The following CASP9 variants were observed in gnomAD, a reference collection of about 807,000 sequenced individuals.
The protein encoded by CASP9 is caspase 9, also known as caspase-9.
Under a neutral mutation model 43.5 loss-of-function variants are expected in CASP9, and 29 were observed. The observed-to-expected ratio is 0.67, with a 90% CI of 0.50 to 0.91. CASP9 has a LOEUF of 0.91. Ranked by LOEUF, CASP9 falls within the 40% of genes least tolerant of loss-of-function variation. CASP9 has a pLI of 0.00. For missense variants in CASP9, 575 were observed against 537.4 expected (o/e 1.07, Z -0.69); for synonymous variants, 206 against 211.9 (o/e 0.97, Z 0.24).
At chr1:15,502,220 G>A (rs1570838787) in intron 6 of CASP9, among the ~76,000 whole-genome samples, 1 of 152,126 alleles carries the variant, frequency 6.6e-6, no homozygotes, top group South Asian at 2.1e-4. Context: ...GGTAGGGGAG[G>A]GACAGAGGCT....
In CASP9 at chr1:15,524,207, T is replaced by C; in HGVS notation, c.-7A>G. On this transcript the variant is annotated 5_prime_UTR_variant, in exon 1 of 9. Coordinates refer to ENST00000333868, the MANE Select transcript of CASP9 (RefSeq NM_001229.5). ...GCCGATCCGCTTCGTCCATGGCGAG[T>C]AGCCAACTAAGACTCCAGGCCGCCT... 3.9e-6 allele frequency: 6 copies of C among 1,541,740 alleles called. No homozygotes were observed. The highest frequency in any genetic ancestry group is 5.2e-6 in the Non-Finnish European group (6 of 1,148,630).
chr1:15,506,566 G>GT (rs1213550060), intron 4 of CASP9, among the ~76,000 whole-genome samples: 6 of 152,094 alleles, frequency 3.9e-5, no homozygotes, highest in African/African-American at 1.4e-4. Flanking sequence ...CCCAGCAGTC[G>GT]TAATAGCCAC....
rs201963831 is a variant in CASP9, at chr1:15,491,414, TTTATTA to T, written c.*1523_*1528del. 56 of 1,444,350 alleles carry T rather than the reference TTTATTA, an allele frequency of 3.9e-5. No homozygotes were observed. Among genetic ancestry groups the T allele is most frequent in the Middle Eastern group, 3.5e-4 (2 of 5,716 alleles). The allele number at this position is 1,444,350 out of a possible 1,614,324, so 89.5% of individuals were successfully genotyped here. ...ATGCAAATCACATCTTGATGAGGGTTTTATTATTATTATTAATTCAGAAATCCATCC... is the reference window on the plus strand; with the variant it reads ...ATGCAAATCACATCTTGATGAGGGTTTTATTATTAATTCAGAAATCCATCC... On this transcript the variant is annotated 3_prime_UTR_variant, in exon 9 of 9. Coordinates refer to ENST00000333868, the MANE Select transcript of CASP9 (RefSeq NM_001229.5).
rs1366684407 is a variant in CASP9, at chr1:15,518,286, C to T, written c.242G>A (p.Gly81Asp). 1.2e-6 allele frequency: 2 copies of T among 1,614,106 alleles called. No individual in the cohort carries two copies. Among genetic ancestry groups the T allele is most frequent in the East Asian group, 2.2e-5 (1 of 44,898 alleles). ...PLFISCLEDT[G>D]QDMLASFLRT... ...CAGAAACGAAGCCAGCATGTCCTGG[C>T]CTGTGTCCTCTAAGCAGGAGATGAA... is the stretch of plus-strand genomic sequence containing the variant. The change falls in exon 2 of 9, where the codon GGC becomes GAC. Residue 81 changes from glycine (G) to aspartate (D), a missense_variant. Physicochemically the swap from Gly to Asp is moderately conservative, Grantham distance 94. Transcript: ENST00000333868.
At chr1:15,494,748 A>AGCT (rs1709035712) in intron 7 of CASP9, among the ~76,000 whole-genome samples, 2 of 150,632 alleles carry the variant, frequency 1.3e-5, no homozygotes, top group Admixed American at 6.6e-5. Context: ...TTGTAGTCCC[A>AGCT]GCTACTTGGG....
intron 6 of CASP9, among the ~76,000 whole-genome samples, chr1:15,500,606 G>C (rs968386903): frequency 5.3e-5 from 8 of 152,146 alleles, no homozygotes; most frequent in Admixed American, 4.6e-4. Flanking sequence ...CTCCAAAGGG[G>C]GGCCTCTTTG....
intron 2 of CASP9, among the ~76,000 whole-genome samples, chr1:15,513,790 G>A (rs1308635571): frequency 6.6e-6 from 1 of 152,166 alleles, no homozygotes; most frequent in African/African-American, 2.4e-5. Flanking sequence ...AGACAGTGAT[G>A]GAGTGAGTCT....
Position 15,506,005 on chromosome 1 carries a change from G to A in CASP9, c.705C>T (p.Leu235=), listed in dbSNP as rs370464726. ...GGCTTCCTACCTGACAGCCGTGAGA[G>A]AGAATGACCACCACGCAGCAGTCCA... ...GALDCCVVVI[L]SHGCQASHLQ... is the part of the protein sequence containing the mutation. The change falls in exon 5 of 9, where the codon CTC becomes CTT. Residue 235 remains leucine, a synonymous_variant. Coordinates refer to ENST00000333868, the MANE Select transcript of CASP9 (RefSeq NM_001229.5). 19 of 1,613,914 alleles carry A rather than the reference G, an allele frequency of 1.2e-5. No individual in the cohort carries two copies. The African/African-American group carries it at 2.1e-4, about 18-fold the overall frequency.
At chr1:15,507,537 T>C (rs1316926725) in intron 3 of CASP9, among the ~76,000 whole-genome samples, 1 of 152,234 alleles carries the variant, frequency 6.6e-6, no homozygotes, top group African/African-American at 2.4e-5. Context: ...AACTGACTGA[T>C]GGCTCCTTCC....
chr1:15,497,655 A>AC (rs57447510), intron 6 of CASP9, among the ~76,000 whole-genome samples: 1 of 145,826 alleles, frequency 6.9e-6, no homozygotes, highest in Non-Finnish European at 1.5e-5. Flanking sequence ...AAAAAAAAAA[A>AC]AAAGATATAA....
At chr1:15,507,980 A>T in intron 2 of CASP9, 73 bp from the exon 3 acceptor site, 2 of 1,497,434 alleles carry the variant, frequency 1.3e-6, no homozygotes, top group Non-Finnish European at 1.9e-6. Context: ...CTCTGTGAGG[A>T]CAGCCCCCCA....
chr1:15,512,004 T>C (rs4646025), intron 2 of CASP9, among the ~76,000 whole-genome samples: 89,174 of 151,968 alleles, frequency 0.59, 26,829 homozygotes, highest in African/African-American at 0.71. Flanking sequence ...CACTGCCTCA[T>C]TTACTCCTCA....
rs1005028641 is a variant in CASP9 at position 15,507,260 on chromosome 1, T to C, written c.454-185A>G. The C allele has an allele frequency of 2.9e-5, 18 of 610,248 alleles. 1 individual carries two copies. In the Admixed American group the frequency reaches 5.4e-4, roughly 18 times the overall value. The allele number at this position is 610,248 out of a possible 1,614,324, so 37.8% of individuals were successfully genotyped here. On this transcript the variant is annotated intron_variant, in intron 3 of 8. Transcript: ENST00000333868. ...CTAGCACTAGAAGGTGACCCCCCCA[T>C]CTTGGTATTAAGGGAAGGGAGCTGG... is the stretch of plus-strand genomic sequence containing the variant.
At chr1:15,501,093 A>G (rs1709312146) in intron 6 of CASP9, among the ~76,000 whole-genome samples, 2 of 152,196 alleles carry the variant, frequency 1.3e-5, no homozygotes, top group Non-Finnish European at 2.9e-5. Flanking sequence ...ACAAGAATAA[A>G]TATACAGTAG....
At chr1:15,512,688 C>CA (rs201292407) in intron 2 of CASP9, among the ~76,000 whole-genome samples, 6 of 151,528 alleles carry the variant, frequency 4.0e-5, no homozygotes, top group Admixed American at 2.0e-4. Context: ...TATACACACA[C>CA]AAAAAAAATG....
chr1:15,492,620 ACATGT>A lies in CASP9; in HGVS notation c.*318_*322del. ...TCACAGCAAAGGGTGACCTGGCCCC[ACATGT>A]CAGTAGTGCAGAGGTTAATCCCTGC... On this transcript the variant is annotated 3_prime_UTR_variant, in exon 9 of 9. Coordinates refer to ENST00000333868, the MANE Select transcript of CASP9 (RefSeq NM_001229.5). 1 of 331,876 alleles carries A rather than the reference ACATGT, an allele frequency of 3.0e-6. No homozygotes were observed. The highest frequency in any genetic ancestry group is 5.5e-6 in the Non-Finnish European group (1 of 180,616). 20.6% of individuals were successfully genotyped at this position (331,876 alleles called of 1,614,324 possible).
At position 15,504,870 on chromosome 1, in the gene CASP9, C is replaced by A. The variant is rs4646050; in HGVS notation, c.721-112G>T. 3 of 1,044,416 alleles carry A rather than the reference C, an allele frequency of 2.9e-6. No individual in the cohort carries two copies. The South Asian group carries it at 4.6e-5, about 16-fold the overall frequency. 64.7% of individuals were successfully genotyped at this position (1,044,416 alleles called of 1,614,324 possible). On this transcript the variant is annotated intron_variant, in intron 5 of 8. Transcript: ENST00000333868. The stretch of plus-strand genomic sequence containing the variant: ...ATTTGGAAGGTCAAAGCCAGGGGCA[C>A]GAGGCTGATTGAGACAGAGCAGGTT...
In CASP9 at chr1:15,493,945, C is replaced by T; in HGVS notation, c.1105G>A (p.Asp369Asn). The change falls in exon 8 of 9, where the codon GAC (aspartate) becomes AAC (asparagine). Residue 369 changes from aspartate (D) to asparagine (N), a missense_variant. Physicochemically the swap from Asp to Asn is conservative, Grantham distance 23. Coordinates refer to ENST00000333868, the MANE Select transcript of CASP9 (RefSeq NM_001229.5). ...GAGTGAGCCCACTGCTCAAAGATGT[C>T]GTCCAGGGTCTCAACGTACCAGGAG... ...SGSWYVETLD[D>N]IFEQWAHSED... is the part of the protein sequence containing the mutation. 4 of 1,604,952 alleles carry T rather than the reference C, an allele frequency of 2.5e-6. No homozygotes were observed. The highest frequency in any genetic ancestry group is 1.1e-5 in the South Asian group (1 of 89,454).
At chr1:15,510,408 G>A (rs1230293075) in intron 2 of CASP9, among the ~76,000 whole-genome samples, 1 of 152,120 alleles carries the variant, frequency 6.6e-6, no homozygotes, top group Non-Finnish European at 1.5e-5. Flanking sequence ...CATTTTTAAA[G>A]TTAGAAATGG....
Sources: allele counts gnomAD v4.1 joint callset (sites outside exome capture counted in the v4.1 genomes callset), GRCh38; gene constraint gnomAD v4.1.1; transcripts MANE v1.5; gene names NCBI Gene and HGNC (gene_info 2026-07-23, HGNC 2026-07-21).